The following PRDM2 variants were observed in gnomAD, a reference collection of about 807,000 sequenced individuals.
The protein encoded by PRDM2 is PR domain zinc finger protein 2.
Under a neutral mutation model 130.0 loss-of-function variants are expected in PRDM2, and 30 were observed. That is an observed-to-expected ratio of 0.23 (90% CI 0.17 to 0.31). The LOEUF (loss-of-function observed/expected upper bound fraction) is 0.31. Among genes scored for constraint, PRDM2 ranks in the 10% least tolerant of loss-of-function variants. The pLI is 1.00. For missense variants in PRDM2, 2,011 were observed against 2,108.4 expected, an observed-to-expected ratio of 0.95 and a Z score of 0.90; for synonymous variants, 871 against 782.4, an observed-to-expected ratio of 1.11 and a Z score of -1.89.
At position 13,733,510 on chromosome 1, in the gene PRDM2, A is replaced by G. The variant is rs1243154992; in HGVS notation, c.231+628A>G. The stretch of plus-strand genomic sequence containing the variant: ...GCCTGTAGATGCAGAACTAGAATGC[A>G]TCTCTCCTGCCTCACTGGGAGGCAG... On this transcript the variant is annotated intron_variant, in intron 4 of 9. Transcript: ENST00000311066. 2.0e-5 allele frequency among the ~76,000 whole-genome samples: 3 copies of G among 152,296 alleles called. No homozygotes were observed. In the East Asian group the frequency reaches 5.8e-4, roughly 29 times the overall value.
chr1:13,713,564 A>G (rs910513891), intron 1 of PRDM2, among the ~76,000 whole-genome samples: 1 of 152,190 alleles, frequency 6.6e-6, no homozygotes, highest in African/African-American at 2.4e-5. Context: ...AAGGCAAACA[A>G]AGGGAAATGG....
intron 6 of PRDM2, among the ~76,000 whole-genome samples, chr1:13,753,166 A>G (rs1643878627): frequency 6.6e-6 from 1 of 152,220 alleles, no homozygotes; most frequent in Non-Finnish European, 1.5e-5. Flanking sequence ...GTTCTAACCT[A>G]TTGACCTCGC....
chr1:13,780,872 C>A lies in PRDM2; in HGVS notation c.3077C>A (p.Thr1026Lys). 6.2e-7 allele frequency: 1 copy of A among 1,612,646 alleles called. No homozygotes were observed. Among genetic ancestry groups the A allele is most frequent in the Non-Finnish European group, 8.5e-7 (1 of 1,178,996 alleles). ...TCCCCACTTCCAATTCTGTCCCCAA[C>A]AGTGTCCCCCTCTCCCTCTCCCATT... ...AQSPLPILSPTVSPSPSPIPP... is the reference protein window; with the variant it reads ...AQSPLPILSPKVSPSPSPIPP... The change falls in exon 8 of 10, where the codon ACA becomes AAA. Residue 1026 changes from threonine to lysine, a missense_variant. Thr to Lys is a moderately conservative substitution (Grantham distance 78). Transcript: ENST00000311066.
chr1:13,738,499 G>C (rs1391212493), intron 4 of PRDM2, among the ~76,000 whole-genome samples: 2 of 152,206 alleles, frequency 1.3e-5, no homozygotes, highest in Non-Finnish European at 1.5e-5. Flanking sequence ...TTGTGTAGTT[G>C]TAGTATAAAA....
chr1:13,708,199 C>A (rs1642265760), intron 1 of PRDM2, among the ~76,000 whole-genome samples: 1 of 151,014 alleles, frequency 6.6e-6, no homozygotes. Flanking sequence ...TTTTTCTTCC[C>A]AAGTAAAGGA....
In PRDM2 at chr1:13,799,877, G is replaced by A. The variant is rs1485443062; in HGVS notation, c.5037-16550G>A. 2.0e-5 allele frequency among the ~76,000 whole-genome samples: 3 copies of A among 152,228 alleles called. No individual in the cohort carries two copies. The East Asian group carries it at 5.8e-4, about 29-fold the overall frequency. Reference sequence around the variant, plus strand: ...CGCTTAAAAATTGCAGTCCAACAAGGTGTGGGTGAGAAAATTAAAAATGTG... The same window carrying A: ...CGCTTAAAAATTGCAGTCCAACAAGATGTGGGTGAGAAAATTAAAAATGTG... On this transcript the variant is annotated intron_variant, in intron 8 of 9. Coordinates refer to ENST00000311066, the MANE Select transcript of PRDM2 (RefSeq NM_001393986.1).
At chr1:13,769,032 C>T in intron 6 of PRDM2, 2 of 624,606 alleles carry the variant, frequency 3.2e-6, no homozygotes, top group Non-Finnish European at 2.0e-6. Context: ...TTTCCTCATG[C>T]ACATAGTGTT....
chr1:13,794,247 C>T (rs949461387), intron 8 of PRDM2, among the ~76,000 whole-genome samples: 1 of 152,204 alleles, frequency 6.6e-6, no homozygotes, highest in African/African-American at 2.4e-5. Flanking sequence ...GAAGCCTTTC[C>T]TGACCATCGA....
rs765093025 is a variant in PRDM2 at position 13,780,730 on chromosome 1, G to A, written c.2935G>A (p.Val979Ile). 5.1e-5 allele frequency: 81 copies of A among 1,587,076 alleles called. No homozygotes were observed. Among genetic ancestry groups the A allele is most frequent in the Non-Finnish European group, 6.0e-5 (70 of 1,165,912 alleles). ...DPSSPPPCPP[V>I]LTVATPPPPL... ...CTCTTCCCCTCCACCCTGTCCCCCG[G>A]TATTAACTGTTGCCACTCCGCCCCC... Residue 979 changes from valine (V) to isoleucine (I), a missense_variant, in exon 8 of 10, where the codon GTA becomes ATA. By Grantham distance (29) the Val-to-Ile change is conservative. Transcript: ENST00000311066.
chr1:13,763,745 T>G (rs1055949921), intron 6 of PRDM2, among the ~76,000 whole-genome samples: 32 of 152,220 alleles, frequency 2.1e-4, no homozygotes, highest in Non-Finnish European at 1.3e-4. Flanking sequence ...ATTCATTTTT[T>G]TGTGTGTAAT....
At chr1:13,821,083 T>G (rs1188720500) in intron 9 of PRDM2, among the ~76,000 whole-genome samples, 1 of 152,070 alleles carries the variant, frequency 6.6e-6, no homozygotes, top group Non-Finnish European at 1.5e-5. Flanking sequence ...GCGTAGTGGT[T>G]AGGTGCACAG....
intron 2 of PRDM2, among the ~76,000 whole-genome samples, chr1:13,720,746 A>C (rs764193100): frequency 2.6e-5 from 4 of 152,198 alleles, no homozygotes; most frequent in Non-Finnish European, 4.4e-5. Flanking sequence ...TACTATCCCT[A>C]TTTAACAGAT....
chr1:13,703,757 G>A lies in PRDM2; in HGVS notation c.-66+3457G>A, dbSNP rs563266828. On this transcript the variant is annotated intron_variant, in intron 1 of 9. Coordinates refer to ENST00000311066, the MANE Select transcript of PRDM2 (RefSeq NM_001393986.1). ...CATATAGACCATTATGCTGAACAGC[G>A]CAGAAACAACTGTCTTCTAGAAAAG... Among the ~76,000 whole-genome samples, 10 of 152,354 alleles carry A rather than the reference G, an allele frequency of 6.6e-5. No individual in the cohort carries two copies. The South Asian group carries it at 1.7e-3, about 25-fold the overall frequency.
chr1:13,775,011 C>T (rs1038313675), intron 7 of PRDM2, among the ~76,000 whole-genome samples: 10 of 152,198 alleles, frequency 6.6e-5, no homozygotes, highest in Admixed American at 5.2e-4. Flanking sequence ...CTTCACCCCC[C>T]AGTATTTGGC....
chr1:13,815,109 G>A (rs2495079), intron 8 of PRDM2, among the ~76,000 whole-genome samples: 15,437 of 151,836 alleles, frequency 0.1, 1,102 homozygotes, highest in African/African-American at 0.19. Context: ...TTGTTTGTTT[G>A]TTTATTTATT....
At chr1:13,797,284 C>T (rs1336587910) in intron 8 of PRDM2, among the ~76,000 whole-genome samples, 1 of 152,162 alleles carries the variant, frequency 6.6e-6, no homozygotes, top group Non-Finnish European at 1.5e-5. Flanking sequence ...GTTTTATACT[C>T]TTACTGTCTT....
At chr1:13,733,440 G>A (rs116597035) in intron 4 of PRDM2, among the ~76,000 whole-genome samples, 2,731 of 152,316 alleles carry the variant, frequency 0.018, 63 homozygotes, top group South Asian at 0.12. Flanking sequence ...AAGCAGTCAG[G>A]AGACAGAGCT....
At chr1:13,820,208 A>G (rs762440594) in intron 9 of PRDM2, among the ~76,000 whole-genome samples, 15 of 152,170 alleles carry the variant, frequency 9.9e-5, no homozygotes, top group Non-Finnish European at 2.1e-4. Context: ...AGAAAAAAGG[A>G]TGGCCTTCTC....
intron 8 of PRDM2, among the ~76,000 whole-genome samples, chr1:13,783,922 G>A (rs1203649): frequency 0.33 from 50,107 of 151,850 alleles, 8,732 homozygotes; most frequent in Admixed American, 0.48. Flanking sequence ...GTGTGGACGC[G>A]ACTGCCATTT....
Sources: allele counts gnomAD v4.1 joint callset (sites outside exome capture counted in the v4.1 genomes callset), GRCh38; gene constraint gnomAD v4.1.1; transcripts MANE v1.5; gene names NCBI Gene and HGNC (gene_info 2026-07-23, HGNC 2026-07-21).